The following VSTM2B variants were observed in gnomAD, a reference collection of about 807,000 sequenced individuals.
VSTM2B encodes V-set and transmembrane domain containing 2B.
VSTM2B carries 24 observed loss-of-function variants against 24.0 expected under a neutral mutation model. The observed-to-expected ratio is 1.00, with a 90% CI of 0.72 to 1.40. VSTM2B has a LOEUF of 1.40. Among genes scored for constraint, VSTM2B ranks in the 40% most tolerant of loss-of-function variants. VSTM2B has a pLI of 0.00. For synonymous variants in VSTM2B, 226 were observed against 194.4 expected, an observed-to-expected ratio of 1.16 and a Z score of -1.35; for missense variants, 399 against 416.4, an observed-to-expected ratio of 0.96 and a Z score of 0.36.
intron 4 of VSTM2B, among the ~76,000 whole-genome samples, chr19:29,561,353 G>T (rs1599912594): frequency 6.6e-6 from 1 of 151,366 alleles, no homozygotes; most frequent in East Asian, 1.9e-4. Flanking sequence ...GCCAGGCGTG[G>T]TGACTCACAC....
At chr19:29,530,978 A>G (rs1305380060) in intron 4 of VSTM2B, among the ~76,000 whole-genome samples, 1 of 144,988 alleles carries the variant, frequency 6.9e-6, no homozygotes. Context: ...GGGAGCTGAG[A>G]GGCTGGGAGA....
chr19:29,529,109 T>A lies in VSTM2B; in HGVS notation c.297+647T>A, dbSNP rs1212613533. 6.1e-6 allele frequency: 6 copies of A among 985,376 alleles called. No individual in the cohort carries two copies. In the East Asian group the frequency reaches 6.8e-4, roughly 112 times the overall value. 61.0% of individuals were successfully genotyped at this position (985,376 alleles called of 1,614,324 possible). ...GCTCGGTTCAGAGGTGAGGGCTCCC[T>A]GGGTGTTTGTTGAGAGCCGTAGAGC... On this transcript the variant is annotated intron_variant, in intron 3 of 4. Transcript: ENST00000335523.
Position 29,549,378 on chromosome 19 carries a change from G to A in VSTM2B, c.770-14468G>A, listed in dbSNP as rs542194147. 2.0e-5 allele frequency among the ~76,000 whole-genome samples: 3 copies of A among 151,532 alleles called. No individual in the cohort carries two copies. In the East Asian group the frequency reaches 5.8e-4, roughly 29 times the overall value. On this transcript the variant is annotated intron_variant, in intron 4 of 4. Transcript: ENST00000335523. ...ATGCTGCACCCATGCTGCCCCAGGG[G>A]AGCTCTAGCACTGGCCGCAGTGCTG...
chr19:29,557,560 G>A (rs1041184786), intron 4 of VSTM2B, among the ~76,000 whole-genome samples: 9 of 152,202 alleles, frequency 5.9e-5, no homozygotes, highest in East Asian at 1.9e-4. Flanking sequence ...TTAGCTGAGC[G>A]TGGTGGTGGA....
chr19:29,535,898 C>T (rs1292004285), intron 4 of VSTM2B, among the ~76,000 whole-genome samples: 1 of 152,044 alleles, frequency 6.6e-6, no homozygotes, highest in Non-Finnish European at 1.5e-5. Context: ...ATGAACAATC[C>T]ACTCTTCCCC....
intron 4 of VSTM2B, among the ~76,000 whole-genome samples, chr19:29,531,186 C>G (rs1016465980): frequency 1.3e-5 from 2 of 152,146 alleles, no homozygotes; most frequent in Non-Finnish European, 1.5e-5. Context: ...CACTCTCTCC[C>G]CCTGCTCCAA....
chr19:29,547,331 A>T (rs186098847), intron 4 of VSTM2B, among the ~76,000 whole-genome samples: 22 of 152,286 alleles, frequency 1.4e-4, no homozygotes, highest in Middle Eastern at 3.4e-3. Flanking sequence ...AGTTTCCCCA[A>T]CTATAAAATA....
At chr19:29,554,331 G>A (rs1970358068) in intron 4 of VSTM2B, among the ~76,000 whole-genome samples, 1 of 152,140 alleles carries the variant, frequency 6.6e-6, no homozygotes, top group Non-Finnish European at 1.5e-5. Context: ...AACTTTATAA[G>A]CGAAGAAGAA....
At chr19:29,544,292 C>T (rs1050097468) in intron 4 of VSTM2B, among the ~76,000 whole-genome samples, 6 of 151,364 alleles carry the variant, frequency 4.0e-5, no homozygotes, top group Non-Finnish European at 8.8e-5. Context: ...TTTGGGAGGC[C>T]GAGGCAGGCG....
rs1482459775 is a variant in VSTM2B at position 29,526,015 on chromosome 19, C to A, written c.-569C>A. 6.6e-6 allele frequency among the ~76,000 whole-genome samples: 1 copy of A among 152,004 alleles called. No individual in the cohort carries two copies. Among genetic ancestry groups the A allele is most frequent in the Non-Finnish European group, 1.5e-5 (1 of 67,946 alleles). ...CCCCGCCTCTCTCCGGCTCCGGGTC[C>A]GCCACGCCGGACCCGCTCTCCCCGC... On this transcript the variant is annotated 5_prime_UTR_variant, in exon 1 of 5. Transcript: ENST00000335523. The surrounding 1 kb of genome is among the most constrained non-coding windows in gnomAD (Gnocchi z 4.1).
chr19:29,554,885 C>A (rs1480261231), intron 4 of VSTM2B, among the ~76,000 whole-genome samples: 1 of 152,146 alleles, frequency 6.6e-6, no homozygotes, highest in Non-Finnish European at 1.5e-5. Context: ...TATACATGCA[C>A]CCAATACAGG....
At chr19:29,553,294 T>C (rs1970328333) in intron 4 of VSTM2B, among the ~76,000 whole-genome samples, 1 of 152,134 alleles carries the variant, frequency 6.6e-6, no homozygotes, top group African/African-American at 2.4e-5. Context: ...CACCTCCAGG[T>C]ATGGGAGAAA....
rs1768717122 is a variant in VSTM2B at position 29,564,015 on chromosome 19, A to G, written c.*81A>G. 9.5e-7 allele frequency: 1 copy of G among 1,052,746 alleles called. No individual in the cohort carries two copies. The highest frequency in any genetic ancestry group is 1.6e-5 in the African/African-American group (1 of 62,724). 65.2% of individuals were successfully genotyped at this position (1,052,746 alleles called of 1,614,324 possible). A position where few individuals can be genotyped will look rare whatever the true frequency, so the allele number is the denominator to read the frequency against. ...CGGTGAGGACCATGTCGCTGGATGGACACAGAGAGACTGAGAGACGCATGA... is the reference window on the plus strand; with the variant it reads ...CGGTGAGGACCATGTCGCTGGATGGGCACAGAGAGACTGAGAGACGCATGA... On this transcript the variant is annotated 3_prime_UTR_variant, in exon 5 of 5. Coordinates refer to ENST00000335523, the MANE Select transcript of VSTM2B (RefSeq NM_001146339.2).
intron 4 of VSTM2B, among the ~76,000 whole-genome samples, chr19:29,558,890 A>T (rs761437832): frequency 6.6e-6 from 1 of 152,210 alleles, no homozygotes; most frequent in African/African-American, 2.4e-5. Context: ...AAAAAGAAAC[A>T]TAAAAATAAA....
intron 2 of VSTM2B, among the ~76,000 whole-genome samples, chr19:29,528,230 A>C (rs1969635277): frequency 6.6e-6 from 1 of 152,204 alleles, no homozygotes; most frequent in Non-Finnish European, 1.5e-5. Flanking sequence ...CCCGTTGGTC[A>C]GGCACCATGC....
chr19:29,527,919 C>CT (rs1454412794), intron 2 of VSTM2B, among the ~76,000 whole-genome samples: 1 of 152,206 alleles, frequency 6.6e-6, no homozygotes, highest in African/African-American at 2.4e-5. Flanking sequence ...AACCCACACT[C>CT]TCTTACACAC....
chr19:29,564,416 CAT>C lies in VSTM2B; in HGVS notation c.*483_*484del, dbSNP rs2145527108. The stretch of plus-strand genomic sequence containing the variant: ...TGAGGCATTTTGATTAAAAAAGACA[CAT>C]CTTATCATAATTAAAATTCACTGTC... On this transcript the variant is annotated 3_prime_UTR_variant, in exon 5 of 5. Transcript: ENST00000335523. The C allele has an allele frequency of 6.6e-6, 1 of 152,204 alleles. No homozygotes were observed. The highest frequency in any genetic ancestry group is 2.4e-5 in the African/African-American group (1 of 41,426). The allele number at this position is 152,204 out of a possible 1,614,324, so 9.4% of individuals were successfully genotyped here. A position where few individuals can be genotyped will look rare whatever the true frequency, so the allele number is the denominator to read the frequency against.
rs149169323 is a variant in VSTM2B at position 29,557,884 on chromosome 19, A to G, written c.770-5962A>G. On this transcript the variant is annotated intron_variant, in intron 4 of 4. Transcript: ENST00000335523. ...TTAAACTAAAGAGCTTCTGTGCAGCAAAAGAAACTATCATCAGAGTGAACA... is the reference window on the plus strand; with the variant it reads ...TTAAACTAAAGAGCTTCTGTGCAGCGAAAGAAACTATCATCAGAGTGAACA... Among the ~76,000 whole-genome samples the G allele has an allele frequency of 2.5e-4, 38 of 152,322 alleles. No homozygotes were observed. The East Asian group carries it at 7.1e-3, about 29-fold the overall frequency.
rs1041287380 is a variant in VSTM2B, at chr19:29,528,556, A to C, written c.297+94A>C. The C allele has an allele frequency of 3.2e-4, 472 of 1,463,982 alleles. 3 individuals are homozygous for C. The Middle Eastern group carries it at 3.6e-3, about 11-fold the overall frequency. 90.7% of individuals were successfully genotyped at this position (1,463,982 alleles called of 1,614,324 possible). A position where few individuals can be genotyped will look rare whatever the true frequency, so the allele number is the denominator to read the frequency against. ...CCTTAGCAAGCCGCGGCGGCCGCGC[A>C]TGTGGGGCCGCGCAAGTAGGGCAGC... On this transcript the variant is annotated intron_variant, in intron 3 of 4. Transcript: ENST00000335523.
Sources: gnomAD v4.1 joint callset for allele counts (sites outside exome capture counted in the v4.1 genomes callset) on GRCh38, gnomAD v4.1.1 for gene constraint, Gnocchi (gnomAD v3.1) non-coding constraint, MANE v1.5 for transcripts, NCBI Gene and HGNC (gene_info 2026-07-23, HGNC 2026-07-21) for gene names.